The following ALPL variants were observed in gnomAD, a reference collection of about 807,000 sequenced individuals.
ALPL encodes the protein alkaline phosphatase, tissue-nonspecific isozyme.
ALPL carries 42 observed loss-of-function variants against 51.3 expected under a neutral mutation model. The observed-to-expected ratio is 0.82, with a 90% CI of 0.64 to 1.06. The LOEUF is 1.06. Among genes scored for constraint, ALPL ranks in the 50% least tolerant of loss-of-function variants. The pLI is 0.00. For synonymous variants in ALPL, 279 were observed against 296.4 expected, an observed-to-expected ratio of 0.94 and a Z score of 0.60; for missense variants, 589 against 709.4, an observed-to-expected ratio of 0.83 and a Z score of 1.93.
chr1:21,563,196 G>A lies in ALPL; in HGVS notation c.384G>A (p.Val128=), dbSNP rs764097939. The A allele has an allele frequency of 6.2e-7, 1 of 1,613,968 alleles. No homozygotes were observed. The highest frequency in any genetic ancestry group is 1.1e-5 in the South Asian group (1 of 91,086). ...GGGTGAAGGCCAATGAGGGCACCGT[G>A]GGGGTAAGCGCAGCCACTGAGCGTT... The part of the protein sequence containing the change: ...LCGVKANEGT[V]GVSAATERSR... The change falls in exon 5 of 12, where the codon GTG becomes GTA. Residue 128 remains valine, a synonymous_variant. Coordinates refer to ENST00000374840, the MANE Select transcript of ALPL (RefSeq NM_000478.6).
Position 21,577,525 on chromosome 1 carries a change from G to C in ALPL, c.1452G>C (p.Met484Ile). The C allele has an allele frequency of 6.2e-7, 1 of 1,607,572 alleles. No individual in the cohort carries two copies. The highest frequency in any genetic ancestry group is 1.3e-5 in the African/African-American group (1 of 75,034). Residue 484 changes from methionine (M) to isoleucine (I), a missense_variant, in exon 12 of 12, where the codon ATG becomes ATC. Transcript: ENST00000374840. Reference protein sequence around the residue: ...VHEQNYVPHVMAYAACIGANL... With the variant: ...VHEQNYVPHVIAYAACIGANL... ...AGCAGAACTACGTCCCCCACGTGAT[G>C]GCGTATGCAGCCTGCATCGGGGCCA...
intron 7 of ALPL, among the ~76,000 whole-genome samples, chr1:21,569,658 C>T (rs1450617136): frequency 6.6e-6 from 1 of 152,204 alleles, no homozygotes; most frequent in South Asian, 2.1e-4. Context: ...ACTGATCCCA[C>T]TGTCATTGCT....
rs371243939 is a variant in ALPL, at chr1:21,575,906, C to T, written c.1171C>T (p.Arg391Cys). ...CTTCACATTTGGTGGATACACCCCC[C>T]GTGGCAACTCTATCTTTGGTAGGTG... ...HVFTFGGYTP[R>C]GNSIFGLAPM... Residue 391 changes from arginine to cysteine, a missense_variant, in exon 10 of 12, where the codon CGT becomes TGT. Transcript: ENST00000374840. The T allele has an allele frequency of 5.8e-5, 94 of 1,614,092 alleles. No homozygotes were observed. Among genetic ancestry groups the T allele is most frequent in the Non-Finnish European group, 7.6e-5 (90 of 1,180,046 alleles).
chr1:21,533,301 G>A (rs934205904), intron 1 of ALPL, among the ~76,000 whole-genome samples: 6 of 152,182 alleles, frequency 3.9e-5, no homozygotes, highest in Admixed American at 2.0e-4. Context: ...CAAAGTGTAG[G>A]AGCACAGTGA....
chr1:21,575,676 G>A, intron 9 of ALPL, 57 bp from the exon 10 acceptor site: 1 of 1,600,994 alleles, frequency 6.2e-7, no homozygotes, highest in Non-Finnish European at 8.6e-7. Context: ...TGTGGGGCTG[G>A]GGAGCAGATC....
chr1:21,572,596 G>A (rs996175497), intron 8 of ALPL, among the ~76,000 whole-genome samples: 1 of 152,154 alleles, frequency 6.6e-6, no homozygotes, highest in Non-Finnish European at 1.5e-5. Flanking sequence ...GCTGGCTTTT[G>A]CCTGCTTCCA....
At chr1:21,544,724 C>T (rs1406834970) in intron 1 of ALPL, among the ~76,000 whole-genome samples, 2 of 152,114 alleles carry the variant, frequency 1.3e-5, no homozygotes, top group East Asian at 1.9e-4. Context: ...CCAGCCTGGG[C>T]GACAAAGTGA....
rs758027748 is a variant in ALPL at position 21,520,282 on chromosome 1, C to A, written c.-105+10765C>A. On this transcript the variant is annotated intron_variant, in intron 1 of 11. Transcript: ENST00000374840. The stretch of plus-strand genomic sequence containing the variant: ...GGAACTGCAGGCTTGTGCCACCATG[C>A]CCAGCTAATTTTTTTTATTTTTTAT... 1.5e-4 allele frequency among the ~76,000 whole-genome samples: 23 copies of A among 151,636 alleles called. 1 individual carries two copies. Among genetic ancestry groups the A allele is most frequent in the Non-Finnish European group, 2.9e-4 (20 of 67,984 alleles).
chr1:21,568,367 T>C lies in ALPL; in HGVS notation c.792+120T>C, dbSNP rs1020142789. ...AAGGGCATCGGAAATCTTTCCTCCA[T>C]GGGCTCAAATGGCCTAAGAGATATA... On this transcript the variant is annotated intron_variant, in intron 7 of 11. Transcript: ENST00000374840. 7 of 1,340,580 alleles carry C rather than the reference T, an allele frequency of 5.2e-6. No homozygotes were observed. The South Asian group carries it at 6.5e-5, about 12-fold the overall frequency. 83.0% of individuals were successfully genotyped at this position (1,340,580 alleles called of 1,614,324 possible). A position where few individuals can be genotyped will look rare whatever the true frequency, so the allele number is the denominator to read the frequency against.
intron 8 of ALPL, among the ~76,000 whole-genome samples, chr1:21,572,939 C>T (rs1644670372): frequency 6.6e-6 from 1 of 152,228 alleles, no homozygotes; most frequent in South Asian, 2.1e-4. Context: ...CGAGTCCAGG[C>T]TGTGACCCTC....
intron 1 of ALPL, among the ~76,000 whole-genome samples, chr1:21,515,338 A>C (rs1480321743): frequency 6.6e-6 from 1 of 152,182 alleles, no homozygotes; most frequent in Non-Finnish European, 1.5e-5. Context: ...TGCTGAGATT[A>C]TAGGCATGAA....
At chr1:21,563,004 C>A in intron 4 of ALPL, 106 bp from the exon 5 acceptor site, 1 of 1,473,248 alleles carries the variant, frequency 6.8e-7, no homozygotes, top group Non-Finnish European at 9.5e-7. Flanking sequence ...CTATGGGGTC[C>A]TCTCTGGTCC....
chr1:21,545,299 G>C (rs1248556419), intron 1 of ALPL, among the ~76,000 whole-genome samples: 1 of 151,154 alleles, frequency 6.6e-6, no homozygotes, highest in Non-Finnish European at 1.5e-5. Flanking sequence ...TTTTGTTTTT[G>C]TTTTTTTTTA....
Position 21,564,348 on chromosome 1 carries a change from C to T in ALPL, c.648+132C>T, listed in dbSNP as rs1039311319. 1.7e-6 allele frequency: 2 copies of T among 1,184,784 alleles called. No individual in the cohort carries two copies. Among genetic ancestry groups the T allele is most frequent in the Non-Finnish European group, 2.4e-6 (2 of 848,556 alleles). 73.4% of individuals were successfully genotyped at this position (1,184,784 alleles called of 1,614,324 possible). On this transcript the variant is annotated intron_variant, in intron 6 of 11. Coordinates refer to ENST00000374840, the MANE Select transcript of ALPL (RefSeq NM_000478.6). The surrounding 1 kb of genome is among the most constrained non-coding windows in gnomAD (Gnocchi z 5.8). Reference sequence around the variant, plus strand: ...CCCACACACCTGGGAGGCTCCCAGCCCATTAGGGGATTTGCGGTTGGGCAG... The same window carrying T: ...CCCACACACCTGGGAGGCTCCCAGCTCATTAGGGGATTTGCGGTTGGGCAG...
At chr1:21,540,754 A>G (rs1381824899) in intron 1 of ALPL, among the ~76,000 whole-genome samples, 8 of 151,942 alleles carry the variant, frequency 5.3e-5, no homozygotes, top group Non-Finnish European at 1.0e-4. Context: ...CTCTCTGCTC[A>G]TCTCAACCCC....
At chr1:21,514,406 C>T (rs1307342376) in intron 1 of ALPL, among the ~76,000 whole-genome samples, 1 of 152,228 alleles carries the variant, frequency 6.6e-6, no homozygotes, top group Non-Finnish European at 1.5e-5. Flanking sequence ...CCCTGTGCAT[C>T]AGTGCATAAC....
intron 1 of ALPL, among the ~76,000 whole-genome samples, chr1:21,532,017 A>G (rs1375231477): frequency 6.6e-6 from 1 of 151,898 alleles, no homozygotes; most frequent in African/African-American, 2.4e-5. Flanking sequence ...GATGTTGAGA[A>G]GGAGGACCCA....
chr1:21,510,446 AG>A (rs1238403058), intron 1 of ALPL, among the ~76,000 whole-genome samples: 1 of 152,230 alleles, frequency 6.6e-6, no homozygotes, highest in Non-Finnish European at 1.5e-5. Flanking sequence ...CAGACCGCTC[AG>A]GTGGGCCCAG....
At chr1:21,530,250 C>T (rs1461382422) in intron 1 of ALPL, among the ~76,000 whole-genome samples, 3 of 152,154 alleles carry the variant, frequency 2.0e-5, no homozygotes, top group Non-Finnish European at 4.4e-5. Context: ...ATCACTAAAC[C>T]TAGGCAATTA....
Sources: allele counts gnomAD v4.1 joint callset (sites outside exome capture counted in the v4.1 genomes callset), GRCh38; gene constraint gnomAD v4.1.1; non-coding constraint Gnocchi (gnomAD v3.1); transcripts MANE v1.5; gene names NCBI Gene and HGNC (gene_info 2026-07-23, HGNC 2026-07-21).